ZNF418: variants seen among roughly 807,000 people sequenced by gnomAD.
ZNF418 encodes zinc finger protein 418.
ZNF418 carries 32 observed loss-of-function variants against 32.0 expected under a neutral mutation model. The observed-to-expected ratio is 1.00, with a 90% confidence interval of 0.75 to 1.34. The LOEUF (loss-of-function observed/expected upper bound fraction) is 1.34, where lower values mean the gene tolerates loss of function less well. ZNF418 is among the 40% of genes most tolerant of loss of function. The probability of loss-of-function intolerance (pLI) is 0.00; values close to 1 mark genes in which losing one functional copy is unlikely to be tolerated. For synonymous variants in ZNF418, 276 were observed against 270.7 expected (o/e 1.02, Z -0.19); for missense variants, 804 against 812.5 (o/e 0.99, Z 0.13).
At chr19:57,923,461 TATACATATATAC>T (rs957259770) in intron 4 of ZNF418, among the ~76,000 whole-genome samples, 172 bp from the exon 5 acceptor site, 2 of 151,148 alleles carry the variant, frequency 1.3e-5, no homozygotes, top group Admixed American at 6.6e-5. Context: ...CACACATATA[TATACATATATAC>T]ATACATATAC....
Position 57,935,200 on chromosome 19 carries a change from T to C in ZNF418, c.-120A>G. The C allele has an allele frequency of 7.7e-7, 1 of 1,294,812 alleles. No individual in the cohort carries two copies. The highest frequency in any genetic ancestry group is 1.0e-6 in the Non-Finnish European group (1 of 1,001,784). 80.2% of individuals were successfully genotyped at this position (1,294,812 alleles called of 1,614,324 possible). A position where few individuals can be genotyped will look rare whatever the true frequency, so the allele number is the denominator to read the frequency against. ...TCAGCGCGGCCGCCGCCATCCCGAG[T>C]ACGCGGGGAAAGCACTGCCGGGAGC... is the stretch of plus-strand genomic sequence containing the variant. On this transcript the variant is annotated 5_prime_UTR_variant, in exon 1 of 6. Transcript: ENST00000396147.
chr19:57,933,996 C>T (rs942470163), intron 1 of ZNF418, 94 bp from the exon 2 acceptor site: 2 of 1,551,772 alleles, frequency 1.3e-6, no homozygotes, highest in Non-Finnish European at 8.7e-7. Context: ...TGACCTGGTA[C>T]CAACTCTGTA....
At chr19:57,934,146 G>C in intron 1 of ZNF418, 1 of 1,302,154 alleles carries the variant, frequency 7.7e-7, no homozygotes, top group Non-Finnish European at 9.8e-7. Flanking sequence ...GCAAGTAAGA[G>C]TCCCAGGACA....
At chr19:57,933,701 A>G in intron 2 of ZNF418, 116 bp downstream of exon 2, 1 of 1,341,848 alleles carries the variant, frequency 7.5e-7, no homozygotes, top group Non-Finnish European at 1.1e-6. Flanking sequence ...AGCCTGGGCG[A>G]TAGAGCGAGA....
chr19:57,932,524 G>T, intron 2 of ZNF418: 1 of 1,535,138 alleles, frequency 6.5e-7, no homozygotes, highest in Non-Finnish European at 8.7e-7. Context: ...AACCAGGTGG[G>T]GCTTTAGATA....
In ZNF418 at chr19:57,933,857, C is replaced by A. The variant is rs192162922; in HGVS notation, c.-35G>T. ...AGTTTAAACTCTGATCCTCCTTCCT[C>A]CTCCCTCAAACACAGTGTGTTCTCT... On this transcript the variant is annotated 5_prime_UTR_variant, in exon 2 of 6. The change creates a premature stop within an existing upstream ORF in the 5' untranslated region. Coordinates refer to ENST00000396147, the MANE Select transcript of ZNF418 (RefSeq NM_133460.3). 265 of 1,614,140 alleles carry A rather than the reference C, an allele frequency of 1.6e-4. 1 individual carries two copies. In the African/African-American group the frequency reaches 2.6e-3, roughly 16 times the overall value.
intron 2 of ZNF418, 106 bp from the exon 3 acceptor site, chr19:57,930,660 C>T (rs2072448842): frequency 6.5e-7 from 1 of 1,534,970 alleles, no homozygotes; most frequent in Non-Finnish European, 8.9e-7. Context: ...TCCCAAGATC[C>T]TCAGCACAGA....
intron 2 of ZNF418, among the ~76,000 whole-genome samples, chr19:57,931,731 TA>T (rs1301960178): frequency 6.6e-6 from 1 of 151,894 alleles, no homozygotes; most frequent in African/African-American, 2.4e-5. Context: ...GGATCTTACG[TA>T]TGTGCAACAT....
At position 57,923,232 on chromosome 19, in the gene ZNF418, TG is replaced by T. The variant is rs1019597025; in HGVS notation, c.*584del. On this transcript the variant is annotated 3_prime_UTR_variant, in exon 5 of 6. Coordinates refer to ENST00000396147, the MANE Select transcript of ZNF418 (RefSeq NM_133460.3). ...AGGAGAATCGCTTGAACCCTGGAGGTGGAGGCTGCAGTGAGCTGAGATCGTG... is the reference window on the plus strand; with the variant it reads ...AGGAGAATCGCTTGAACCCTGGAGGTGAGGCTGCAGTGAGCTGAGATCGTG... 2 of 150,626 alleles carry T rather than the reference TG, an allele frequency of 1.3e-5. No homozygotes were observed. Among genetic ancestry groups the T allele is most frequent in the African/African-American group, 4.9e-5 (2 of 40,838 alleles). 9.3% of individuals were successfully genotyped at this position (150,626 alleles called of 1,614,324 possible). A position where few individuals can be genotyped will look rare whatever the true frequency, so the allele number is the denominator to read the frequency against.
rs192369987 is a variant in ZNF418, at chr19:57,925,761, G to A, written c.*389C>T. On this transcript the variant is annotated 3_prime_UTR_variant, in exon 4 of 6. Transcript: ENST00000396147. ...AGATAACCGACATCATGTCTGGCAAGGGAACCCGGCAGGGTGAAAAATGCC... is the reference window on the plus strand; with the variant it reads ...AGATAACCGACATCATGTCTGGCAAAGGAACCCGGCAGGGTGAAAAATGCC... 131 of 185,998 alleles carry A rather than the reference G, an allele frequency of 7.0e-4. No individual in the cohort carries two copies. The highest frequency in any genetic ancestry group is 2.8e-3 in the African/African-American group (121 of 42,522). The allele number at this position is 185,998 out of a possible 1,614,324, so 11.5% of individuals were successfully genotyped here.
At chr19:57,924,087 A>C (rs1329214906) in intron 4 of ZNF418, among the ~76,000 whole-genome samples, 1 of 151,650 alleles carries the variant, frequency 6.6e-6, no homozygotes, top group Non-Finnish European at 1.5e-5. Flanking sequence ...GCTGCAGTGA[A>C]CTATGATCTC....
intron 3 of ZNF418, among the ~76,000 whole-genome samples, chr19:57,929,408 A>G (rs1277482085): frequency 6.6e-6 from 1 of 152,234 alleles, no homozygotes; most frequent in East Asian, 1.9e-4. Context: ...TCTCCATCCC[A>G]CCATCACAAT....
At chr19:57,930,238 T>C (rs2072428154) in intron 3 of ZNF418, among the ~76,000 whole-genome samples, 190 bp downstream of exon 3, 1 of 152,038 alleles carries the variant, frequency 6.6e-6, no homozygotes, top group African/African-American at 2.4e-5. Flanking sequence ...GCAAAGCACG[T>C]ATTGGGACTG....
intron 3 of ZNF418, among the ~76,000 whole-genome samples, chr19:57,929,412 T>C (rs767964540): frequency 6.6e-6 from 1 of 152,118 alleles, no homozygotes; most frequent in Non-Finnish European, 1.5e-5. Context: ...CATCCCACCA[T>C]CACAATGATG....
At chr19:57,932,371 C>T in intron 2 of ZNF418, 1 of 1,501,902 alleles carries the variant, frequency 6.7e-7, no homozygotes, top group Non-Finnish European at 9.0e-7. Context: ...CCTTATGCCA[C>T]AATGTGGCTG....
chr19:57,932,611 T>C (rs1460965960), intron 2 of ZNF418: 5 of 1,482,772 alleles, frequency 3.4e-6, no homozygotes, highest in Non-Finnish European at 4.5e-6. Flanking sequence ...CCACCTAGAG[T>C]CATTTAAATC....
intron 2 of ZNF418, among the ~76,000 whole-genome samples, chr19:57,933,531 G>A (rs964256758): frequency 1.3e-5 from 2 of 152,184 alleles, no homozygotes; most frequent in African/African-American, 4.8e-5. Context: ...GACTATCCTG[G>A]CTAACACAGT....
rs572586331 is a variant in ZNF418 at position 57,926,929 on chromosome 19, G to C, written c.1252C>G (p.Arg418Gly). The C allele has an allele frequency of 1.2e-6, 2 of 1,613,814 alleles. No individual in the cohort carries two copies. The highest frequency in any genetic ancestry group is 2.2e-5 in the South Asian group (2 of 91,034). ...TAAGGTCTTTCTCCAGTGTGACCTCGCTGATGGTTCCTAAGGTGTCCCTTT... is the reference window on the plus strand; with the variant it reads ...TAAGGTCTTTCTCCAGTGTGACCTCCCTGATGGTTCCTAAGGTGTCCCTTT... ...SRKGHLRNHQ[R>G]GHTGERPYEC... Residue 418 changes from arginine (R) to glycine (G), a missense_variant, in exon 4 of 6, where the codon CGA becomes GGA. Around this residue, in one of 3 missense-constraint regions of ZNF418, gnomAD observed 475 missense variants for 458.6 expected, o/e 1.04. Transcript: ENST00000396147.
intron 1 of ZNF418, among the ~76,000 whole-genome samples, chr19:57,934,589 T>A (rs1262858077): frequency 6.6e-6 from 1 of 152,216 alleles, no homozygotes; most frequent in African/African-American, 2.4e-5. Flanking sequence ...AAAGGGGATC[T>A]GATAAGCTCA....
Sources: allele counts gnomAD v4.1 joint callset (sites outside exome capture counted in the v4.1 genomes callset), GRCh38; gene constraint gnomAD v4.1.1; regional missense constraint gnomAD v4.1.1; transcripts MANE v1.5; gene names NCBI Gene and HGNC (gene_info 2026-07-23, HGNC 2026-07-21).